Variants in AFF3 observed in about 807,000 individuals in gnomAD.
The protein encoded by AFF3 is ALF transcription elongation factor 3.
Under a neutral mutation model 129.7 loss-of-function variants are expected in AFF3, and 32 were observed. The observed-to-expected ratio is 0.25, with a 90% CI of 0.19 to 0.33. AFF3 has a LOEUF of 0.33. Ranked by LOEUF, AFF3 falls within the 10% of genes least tolerant of loss-of-function variation. AFF3 has a pLI of 1.00. For missense variants in AFF3, 1,373 were observed against 1,592.0 expected (o/e 0.86, Z 2.34); for synonymous variants, 644 against 635.4 (o/e 1.01, Z -0.20).
intron 12 of AFF3, among the ~76,000 whole-genome samples, chr2:99,650,863 G>T (rs1470976517): frequency 2.7e-5 from 4 of 149,614 alleles, no homozygotes; most frequent in South Asian, 2.1e-4. Flanking sequence ...AAAACTAAAA[G>T]AAAAAAATCA....
intron 8 of AFF3, among the ~76,000 whole-genome samples, chr2:99,784,566 T>C (rs1387638657): frequency 6.6e-6 from 1 of 152,244 alleles, no homozygotes; most frequent in Non-Finnish European, 1.5e-5. Context: ...TCACATTACA[T>C]GCTAGTATGA....
At chr2:99,563,810 C>CAAAAAAAAA (rs34843347) in intron 20 of AFF3, among the ~76,000 whole-genome samples, 14 of 75,832 alleles carry the variant, frequency 1.8e-4, no homozygotes, top group South Asian at 6.5e-4. Flanking sequence ...AATTTAGTCT[C>CAAAAAAAAA]AAAAAAAAAA....
At chr2:99,895,302 T>C (rs1226258542) in intron 7 of AFF3, among the ~76,000 whole-genome samples, 1 of 152,264 alleles carries the variant, frequency 6.6e-6, no homozygotes, top group Non-Finnish European at 1.5e-5. Context: ...GTGTTTCCCA[T>C]ACTTTGGAAG....
intron 4 of AFF3, among the ~76,000 whole-genome samples, chr2:100,062,993 G>A (rs538617689): frequency 2.0e-4 from 31 of 152,260 alleles, no homozygotes; most frequent in Admixed American, 9.2e-4. Context: ...GCTCACGACC[G>A]TAATCCCACC....
intron 4 of AFF3, among the ~76,000 whole-genome samples, chr2:100,055,386 G>A (rs1686679995): frequency 6.7e-6 from 1 of 150,302 alleles, no homozygotes; most frequent in African/African-American, 2.5e-5. Context: ...CGCCCTTGCT[G>A]CACTCCCCAC....
chr2:99,762,788 G>A (rs998003782), intron 8 of AFF3, among the ~76,000 whole-genome samples: 18 of 152,172 alleles, frequency 1.2e-4, no homozygotes, highest in African/African-American at 4.1e-4. Context: ...AACAAGACAC[G>A]GGATGAATTC....
chr2:99,777,947 C>CAAAAAAAAAAAAAAAAGA (rs1684053473), intron 8 of AFF3, among the ~76,000 whole-genome samples: 2 of 48,338 alleles, frequency 4.1e-5, no homozygotes, highest in Non-Finnish European at 7.6e-5. Flanking sequence ...AAAGCAAAAG[C>CAAAAAAAAAAAAAAAAGA]AAAAAAAAAA....
chr2:100,011,091 G>A (rs546922891), intron 4 of AFF3, among the ~76,000 whole-genome samples: 2 of 152,154 alleles, frequency 1.3e-5, no homozygotes, highest in African/African-American at 2.4e-5. Context: ...TGGCTAACAC[G>A]GTGAAACCCC....
intron 7 of AFF3, among the ~76,000 whole-genome samples, chr2:100,003,717 T>C (rs181433221): frequency 1.5e-3 from 230 of 152,250 alleles, no homozygotes; most frequent in African/African-American, 5.2e-3. Flanking sequence ...AGGGTGCAGA[T>C]GTTGTAAGGG....
chr2:100,049,939 C>G (rs12471711), intron 4 of AFF3, among the ~76,000 whole-genome samples: 1 of 152,116 alleles, frequency 6.6e-6, no homozygotes, highest in African/African-American at 2.4e-5. Flanking sequence ...CTCGGCCAGG[C>G]GTAGTGGCTC....
chr2:99,583,665 C>T (rs190366525), intron 16 of AFF3, among the ~76,000 whole-genome samples: 72 of 151,994 alleles, frequency 4.7e-4, no homozygotes, highest in African/African-American at 1.5e-3. Context: ...CATGAGCCAT[C>T]GTGCCCAGCC....
intron 8 of AFF3, among the ~76,000 whole-genome samples, chr2:99,762,086 G>A (rs1157149227): frequency 2.0e-5 from 3 of 151,048 alleles, no homozygotes; most frequent in African/African-American, 4.9e-5. Flanking sequence ...TACCCTGAGC[G>A]AGCCCTCTCT....
At position 100,058,700 on chromosome 2, in the gene AFF3, A is replaced by T. The variant is rs28568846; in HGVS notation, c.53+45702T>A. 8.0e-3 allele frequency among the ~76,000 whole-genome samples: 1,215 copies of T among 152,330 alleles called. 14 individuals carry two copies. The highest frequency in any genetic ancestry group is 0.028 in the African/African-American group (1,165 of 41,572). On this transcript the variant is annotated intron_variant, in intron 4 of 24. Coordinates refer to ENST00000672756, the MANE Select transcript of AFF3 (RefSeq NM_001386135.1). ...AAAATTAACTCAAAATAGATCATGA[A>T]CCTAAATGTAAGAGACAAAACTATA...
intron 12 of AFF3, among the ~76,000 whole-genome samples, chr2:99,658,174 C>T (rs1685918143): frequency 6.6e-6 from 1 of 152,178 alleles, no homozygotes; most frequent in Admixed American, 6.5e-5. Context: ...CAGGGACTGT[C>T]CCTGTCCAGG....
At chr2:99,573,251 A>C (rs116414447) in intron 18 of AFF3, among the ~76,000 whole-genome samples, 6,359 of 147,576 alleles carry the variant, frequency 0.043, 234 homozygotes, top group Non-Finnish European at 0.059. Flanking sequence ...TGCAAATCCT[A>C]CTTCATTTCT....
In AFF3 at chr2:99,801,154, A is replaced by G. The variant is rs184885527; in HGVS notation, c.921+36323T>C. 5.3e-5 allele frequency among the ~76,000 whole-genome samples: 8 copies of G among 152,340 alleles called. No homozygotes were observed. The East Asian group carries it at 1.5e-3, about 29-fold the overall frequency. ...TTACATGTCGATTATATCTCAATAA[A>G]GAAATGTGAAAATGATACTTCCTAT... On this transcript the variant is annotated intron_variant, in intron 8 of 24. Transcript: ENST00000672756.
At chr2:100,000,349 A>G (rs923328497) in intron 7 of AFF3, among the ~76,000 whole-genome samples, 1 of 152,212 alleles carries the variant, frequency 6.6e-6, no homozygotes, top group African/African-American at 2.4e-5. Context: ...GTGATCTCAG[A>G]CTTGAAAATA....
chr2:99,874,922 A>C (rs1006194428), intron 7 of AFF3, among the ~76,000 whole-genome samples: 2 of 152,346 alleles, frequency 1.3e-5, no homozygotes, highest in African/African-American at 4.8e-5. Context: ...TGAGACACGG[A>C]GAAAAAGAAG....
At chr2:100,082,221 A>G (rs1382257144) in intron 4 of AFF3, among the ~76,000 whole-genome samples, 1 of 152,192 alleles carries the variant, frequency 6.6e-6, no homozygotes, top group Non-Finnish European at 1.5e-5. Context: ...AAAAAGTGAG[A>G]TATGTTGAAA....
Sources: allele counts gnomAD v4.1 joint callset (sites outside exome capture counted in the v4.1 genomes callset), GRCh38; gene constraint gnomAD v4.1.1; transcripts MANE v1.5; gene names NCBI Gene and HGNC (gene_info 2026-07-23, HGNC 2026-07-21).